SLCO2B1: variants seen among roughly 807,000 people sequenced by gnomAD.
The protein encoded by SLCO2B1 is solute carrier organic anion transporter family member 2B1, also known as OATP-RP2.
A neutral mutation model predicts 67.3 loss-of-function variants in SLCO2B1; 41 were observed. The ratio of observed to expected loss-of-function variants is 0.61; its 90% CI spans 0.47 to 0.79. The LOEUF is 0.79. SLCO2B1 is among the 30% of genes least tolerant of loss of function. SLCO2B1 has a pLI of 0.00. For missense variants in SLCO2B1, 837 were observed against 920.1 expected (o/e 0.91, Z 1.17); for synonymous variants, 379 against 381.4 (o/e 0.99, Z 0.07).
At chr11:75,159,966 G>A (rs573201541) in intron 1 of SLCO2B1, 2 of 613,444 alleles carry the variant, frequency 3.3e-6, no homozygotes, top group Non-Finnish European at 2.0e-6. Context: ...GGCTAGACAG[G>A]CTGGGGCACA....
rs79073294 is a variant in SLCO2B1 at position 75,205,935 on chromosome 11, G to C, written c.*1355G>C. Reference sequence around the variant, plus strand: ...GGCTTCCTGGCCCTGTGCTGGGGGTGGGGGGAAGCTGGGGGCACATGTGGC... The same window carrying C: ...GGCTTCCTGGCCCTGTGCTGGGGGTCGGGGGAAGCTGGGGGCACATGTGGC... On this transcript the variant is annotated 3_prime_UTR_variant, in exon 14 of 14. Transcript: ENST00000289575. The C allele has an allele frequency of 1.3e-5, 2 of 152,360 alleles. No homozygotes were observed. Among genetic ancestry groups the C allele is most frequent in the Admixed American group, 6.5e-5 (1 of 15,296 alleles). 9.4% of individuals were successfully genotyped at this position (152,360 alleles called of 1,614,324 possible).
At position 75,172,253 on chromosome 11, in the gene SLCO2B1, T is replaced by A. The variant is rs1352484409; in HGVS notation, c.782-126T>A. 8 of 796,748 alleles carry A rather than the reference T, an allele frequency of 1.0e-5. No individual in the cohort carries two copies. The Admixed American group carries it at 2.3e-4, about 22-fold the overall frequency. 49.4% of individuals were successfully genotyped at this position (796,748 alleles called of 1,614,324 possible). A position where few individuals can be genotyped will look rare whatever the true frequency, so the allele number is the denominator to read the frequency against. Reference sequence around the variant, plus strand: ...ACAGGACACACCTGGCAGAGCAGACTGGAACTCAGGTCTCCTGACTCCCAG... The same window carrying A: ...ACAGGACACACCTGGCAGAGCAGACAGGAACTCAGGTCTCCTGACTCCCAG... On this transcript the variant is annotated intron_variant, in intron 6 of 13. Transcript: ENST00000289575.
At chr11:75,192,086 C>A (rs373964364) in intron 8 of SLCO2B1, among the ~76,000 whole-genome samples, 2 of 152,138 alleles carry the variant, frequency 1.3e-5, no homozygotes, top group East Asian at 3.8e-4. Flanking sequence ...TTCCTCCTCG[C>A]TTTACCTCCC....
In SLCO2B1 at chr11:75,163,557, G is replaced by T. The variant is rs1208336285; in HGVS notation, c.148-406G>T. Among the ~76,000 whole-genome samples the T allele has an allele frequency of 2.6e-5, 4 of 152,182 alleles. No homozygotes were observed. In the East Asian group the frequency reaches 7.7e-4, roughly 29 times the overall value. ...AGGAAAGTCCAGCCCAGCCAAGGGGGGCTCTGAGAGTCAGAGGGGCTCCCA... is the reference window on the plus strand; with the variant it reads ...AGGAAAGTCCAGCCCAGCCAAGGGGTGCTCTGAGAGTCAGAGGGGCTCCCA... On this transcript the variant is annotated intron_variant, in intron 2 of 13. Transcript: ENST00000289575.
At chr11:75,153,096 T>C (rs1949710675) in intron 1 of SLCO2B1, among the ~76,000 whole-genome samples, 1 of 152,184 alleles carries the variant, frequency 6.6e-6, no homozygotes, top group Non-Finnish European at 1.5e-5. Flanking sequence ...GATTTCATCT[T>C]CCCACCTGTT....
chr11:75,155,262 A>G (rs1565530230), intron 1 of SLCO2B1, among the ~76,000 whole-genome samples: 1 of 152,020 alleles, frequency 6.6e-6, no homozygotes, highest in South Asian at 2.1e-4. Flanking sequence ...GCCAAGCCCA[A>G]TGCCTGGAGA....
rs536606219 is a variant in SLCO2B1 at position 75,194,525 on chromosome 11, C to A, written c.1433+950C>A. ...CCCTCCCCGTCTGTCCCAGGTCCCA[C>A]CCTCGCTGATCTCTCCCCCATCTCC... On this transcript the variant is annotated intron_variant, in intron 9 of 13. Coordinates refer to ENST00000289575, the MANE Select transcript of SLCO2B1 (RefSeq NM_007256.5). 2.0e-5 allele frequency among the ~76,000 whole-genome samples: 3 copies of A among 152,048 alleles called. No individual in the cohort carries two copies. The East Asian group carries it at 5.8e-4, about 30-fold the overall frequency.
At chr11:75,160,769 C>T (rs191599200) in intron 1 of SLCO2B1, among the ~76,000 whole-genome samples, 9 of 152,316 alleles carry the variant, frequency 5.9e-5, no homozygotes, top group Admixed American at 4.6e-4. Flanking sequence ...ATTCCTCAAC[C>T]TGTTTGTATA....
chr11:75,163,318 T>A (rs1346626714), intron 2 of SLCO2B1, among the ~76,000 whole-genome samples: 1 of 152,218 alleles, frequency 6.6e-6, no homozygotes. Context: ...AATACTCTAT[T>A]TTTTAATCCT....
intron 11 of SLCO2B1, 161 bp from the exon 12 acceptor site, chr11:75,202,740 G>A: frequency 1.5e-6 from 1 of 669,866 alleles, no homozygotes; most frequent in Non-Finnish European, 2.7e-6. Context: ...AAAAAGGATG[G>A]GGTACGTCCC....
intron 1 of SLCO2B1, 48 bp downstream of exon 1, chr11:75,151,445 G>T (rs1949686953): frequency 1.2e-6 from 2 of 1,605,298 alleles, no homozygotes; most frequent in South Asian, 1.1e-5. Context: ...AAGCCTGGGG[G>T]ACATGTTCCC....
chr11:75,179,258 C>T (rs1390714872), intron 7 of SLCO2B1, among the ~76,000 whole-genome samples: 8 of 102,836 alleles, frequency 7.8e-5, no homozygotes, highest in Non-Finnish European at 1.4e-4. Context: ...GACAGAGTCT[C>T]TCTCTCTCTG....
chr11:75,153,667 A>C (rs1315363290), intron 1 of SLCO2B1, among the ~76,000 whole-genome samples: 1 of 152,204 alleles, frequency 6.6e-6, no homozygotes, highest in Non-Finnish European at 1.5e-5. Flanking sequence ...CTACACCTGC[A>C]TGTCTGTGGA....
chr11:75,196,540 C>T lies in SLCO2B1; in HGVS notation c.1460C>T (p.Pro487Leu). The change falls in exon 10 of 14, where the codon CCA becomes CTA. Residue 487 changes from proline to leucine, a missense_variant. Pro to Leu is a moderately conservative substitution (Grantham distance 98). Coordinates refer to ENST00000289575, the MANE Select transcript of SLCO2B1 (RefSeq NM_007256.5). ...GCCCACCCTGGGCTGGAGCTGTCTC[C>T]AAGCTGCATGGAGGCCTGCTCCTGC... Reference protein sequence around the residue: ...TSAHPGLELSPSCMEACSCPL... With the variant: ...TSAHPGLELSLSCMEACSCPL... 1 of 1,613,992 alleles carries T rather than the reference C, an allele frequency of 6.2e-7. No homozygotes were observed. The highest frequency in any genetic ancestry group is 8.5e-7 in the Non-Finnish European group (1 of 1,179,970).
At chr11:75,151,443 G>A (rs1591803089) in intron 1 of SLCO2B1, 46 bp downstream of exon 1, 5 of 1,608,932 alleles carry the variant, frequency 3.1e-6, no homozygotes, top group Non-Finnish European at 4.3e-6. Context: ...GCAAGCCTGG[G>A]GGACATGTTC....
intron 7 of SLCO2B1, among the ~76,000 whole-genome samples, chr11:75,186,821 T>C (rs1018835244): frequency 4.7e-4 from 72 of 152,314 alleles, no homozygotes; most frequent in Middle Eastern, 3.4e-3. Flanking sequence ...TGCACGGTAA[T>C]AGTACCTGCC....
intron 7 of SLCO2B1, among the ~76,000 whole-genome samples, chr11:75,176,281 C>G (rs975471475): frequency 1.3e-5 from 2 of 152,190 alleles, no homozygotes; most frequent in Admixed American, 6.5e-5. Flanking sequence ...TTCTGACAAC[C>G]TGCCCTTGGG....
intron 6 of SLCO2B1, among the ~76,000 whole-genome samples, chr11:75,170,588 GC>G (rs1271403576): frequency 6.6e-6 from 1 of 152,182 alleles, no homozygotes; most frequent in Non-Finnish European, 1.5e-5. Context: ...GGTCCTGGGA[GC>G]CTCAGGTGAC....
chr11:75,153,856 C>T (rs1399477614), intron 1 of SLCO2B1, among the ~76,000 whole-genome samples: 1 of 151,654 alleles, frequency 6.6e-6, no homozygotes, highest in Admixed American at 6.6e-5. Flanking sequence ...GGAAGTGGCC[C>T]TGCTTCAGTG....
Sources: allele counts gnomAD v4.1 joint callset (sites outside exome capture counted in the v4.1 genomes callset), GRCh38; gene constraint gnomAD v4.1.1; transcripts MANE v1.5; gene names NCBI Gene and HGNC (gene_info 2026-07-23, HGNC 2026-07-21).